SNTG1: variants seen among roughly 807,000 people sequenced by gnomAD.
The protein encoded by SNTG1 is gamma-1-syntrophin.
Under a neutral mutation model 74.7 loss-of-function variants are expected in SNTG1, and 39 were observed. The ratio of observed to expected loss-of-function variants is 0.52; its 90% CI spans 0.40 to 0.68. The LOEUF is 0.68. SNTG1 is among the 30% of genes least tolerant of loss of function. The pLI is 0.00. For synonymous variants in SNTG1, 254 were observed against 217.1 expected (o/e 1.17, Z -1.49); for missense variants, 685 against 609.5 (o/e 1.12, Z -1.30).
chr8:50,418,884 A>T (rs192507966), intron 4 of SNTG1, among the ~76,000 whole-genome samples: 147 of 152,298 alleles, frequency 9.7e-4, no homozygotes, highest in African/African-American at 3.4e-3. Context: ...AGTTTAAAAA[A>T]TCATGTTAGC....
At chr8:50,022,246 G>A (rs1172332631) in intron 1 of SNTG1, among the ~76,000 whole-genome samples, 1 of 152,178 alleles carries the variant, frequency 6.6e-6, no homozygotes, top group Non-Finnish European at 1.5e-5. Flanking sequence ...CTGCTCTGTA[G>A]ATAAATGAGA....
chr8:49,918,309 T>C (rs1390101855), intron 1 of SNTG1, among the ~76,000 whole-genome samples: 1 of 152,204 alleles, frequency 6.6e-6, no homozygotes, highest in East Asian at 1.9e-4. Context: ...AGGTCAATAA[T>C]ATTACATAAT....
intron 1 of SNTG1, among the ~76,000 whole-genome samples, chr8:50,022,407 A>G (rs1816906971): frequency 6.6e-6 from 1 of 152,170 alleles, no homozygotes; most frequent in Non-Finnish European, 1.5e-5. Context: ...CTGCCAGTGA[A>G]GTAATGTCAA....
intron 2 of SNTG1, among the ~76,000 whole-genome samples, chr8:50,317,530 G>A (rs2090358208): frequency 6.6e-6 from 1 of 152,166 alleles, no homozygotes; most frequent in Non-Finnish European, 1.5e-5. Flanking sequence ...AGAATAGTCA[G>A]GAATGAGACT....
chr8:50,187,001 T>C (rs1190333150), intron 2 of SNTG1, among the ~76,000 whole-genome samples: 14 of 152,108 alleles, frequency 9.2e-5, no homozygotes, highest in Admixed American at 9.2e-4. Context: ...TCTTCCAGGT[T>C]TTTTATGGTT....
intron 15 of SNTG1, among the ~76,000 whole-genome samples, chr8:50,688,237 C>T (rs1337505936): frequency 6.6e-6 from 1 of 152,138 alleles, no homozygotes. Flanking sequence ...GTTTCTTTTG[C>T]TGTGCAGAAG....
intron 8 of SNTG1, among the ~76,000 whole-genome samples, chr8:50,461,564 T>C (rs768992156): frequency 1.2e-4 from 19 of 152,150 alleles, no homozygotes; most frequent in Non-Finnish European, 2.5e-4. Flanking sequence ...TCTGGATGCA[T>C]ATATATTTAT....
At chr8:50,510,014 C>A (rs553632000) in intron 9 of SNTG1, among the ~76,000 whole-genome samples, 1 of 152,130 alleles carries the variant, frequency 6.6e-6, no homozygotes, top group Non-Finnish European at 1.5e-5. Context: ...GGAATGCTTC[C>A]AGTTTTTGCT....
At chr8:50,126,294 G>C (rs868634481) in intron 1 of SNTG1, among the ~76,000 whole-genome samples, 2 of 152,062 alleles carry the variant, frequency 1.3e-5, no homozygotes, top group Non-Finnish European at 2.9e-5. Flanking sequence ...GTTGTGCCAG[G>C]CTGTGTAGGT....
At chr8:50,057,186 T>C (rs1820096338) in intron 1 of SNTG1, among the ~76,000 whole-genome samples, 1 of 152,094 alleles carries the variant, frequency 6.6e-6, no homozygotes. Flanking sequence ...ACTCAGAACG[T>C]GGTGTTCTCC....
At chr8:50,769,389 G>C (rs927716831) in intron 18 of SNTG1, among the ~76,000 whole-genome samples, 7 of 151,792 alleles carry the variant, frequency 4.6e-5, no homozygotes, top group Non-Finnish European at 1.0e-4. Context: ...TTGAAAATCA[G>C]AATTTTAAAG....
At chr8:50,735,800 A>T (rs1468973427) in intron 17 of SNTG1, among the ~76,000 whole-genome samples, 1 of 152,022 alleles carries the variant, frequency 6.6e-6, no homozygotes, top group Non-Finnish European at 1.5e-5. Flanking sequence ...CAAGAAGAGC[A>T]CCACAAGACA....
At chr8:50,569,776 C>T (rs1297404553) in intron 12 of SNTG1, among the ~76,000 whole-genome samples, 1 of 152,068 alleles carries the variant, frequency 6.6e-6, no homozygotes, top group Non-Finnish European at 1.5e-5. Context: ...GTCCTAAAGT[C>T]TACTTTTTAG....
chr8:50,333,132 C>T (rs528450979), intron 2 of SNTG1, among the ~76,000 whole-genome samples: 21 of 152,334 alleles, frequency 1.4e-4, no homozygotes, highest in Admixed American at 1.3e-3. Context: ...CAAGACTCAG[C>T]CTGCTGGGCT....
At chr8:50,064,387 A>G (rs943591930) in intron 1 of SNTG1, among the ~76,000 whole-genome samples, 1 of 151,774 alleles carries the variant, frequency 6.6e-6, no homozygotes, top group African/African-American at 2.4e-5. Flanking sequence ...TCATAACTAA[A>G]CCCATCTCCT....
At chr8:50,430,893 T>C (rs1160910316) in intron 4 of SNTG1, among the ~76,000 whole-genome samples, 1 of 152,150 alleles carries the variant, frequency 6.6e-6, no homozygotes, top group Non-Finnish European at 1.5e-5. Context: ...AATTCCGAGA[T>C]GGAATCACTC....
At chr8:49,943,503 G>A (rs573115903) in intron 1 of SNTG1, among the ~76,000 whole-genome samples, 1 of 152,356 alleles carries the variant, frequency 6.6e-6, no homozygotes, top group East Asian at 1.9e-4. Flanking sequence ...TTCAGGCTAG[G>A]AGAATGGATT....
chr8:50,550,070 T>C lies in SNTG1; in HGVS notation c.681-2980T>C, dbSNP rs75682611. 8.8e-3 allele frequency among the ~76,000 whole-genome samples: 1,339 copies of C among 152,290 alleles called. 19 individuals carry two copies. Among genetic ancestry groups the C allele is most frequent in the African/African-American group, 0.031 (1,279 of 41,554 alleles). ...ACTAAGTGAACTAAGTTGCTTCATC[T>C]TCACTCTCACTAATATAAGTTTATT... On this transcript the variant is annotated intron_variant, in intron 11 of 18. Coordinates refer to ENST00000642720, the MANE Select transcript of SNTG1 (RefSeq NM_018967.5).
chr8:50,557,119 G>A (rs1227921531), intron 12 of SNTG1, among the ~76,000 whole-genome samples: 3 of 151,888 alleles, frequency 2.0e-5, no homozygotes, highest in Non-Finnish European at 4.4e-5. Context: ...TGGGCAAGGA[G>A]GCTGGGCCCA....
Sources: gnomAD v4.1 joint callset for allele counts (sites outside exome capture counted in the v4.1 genomes callset) on GRCh38, gnomAD v4.1.1 for gene constraint, MANE v1.5 for transcripts, NCBI Gene and HGNC (gene_info 2026-07-23, HGNC 2026-07-21) for gene names.